Variants in NLRP8 observed in about 807,000 individuals in gnomAD.
The protein encoded by NLRP8 is NACHT, LRR and PYD domains-containing protein 8.
A neutral mutation model predicts 88.7 loss-of-function variants in NLRP8; 86 were observed. That is an observed-to-expected ratio of 0.97 (90% CI 0.81 to 1.16). The LOEUF (loss-of-function observed/expected upper bound fraction) is 1.16. Among genes scored for constraint, NLRP8 ranks in the 50% most tolerant of loss-of-function variants. The pLI, the probability that NLRP8 is intolerant of heterozygous loss-of-function variation, is 0.00. For synonymous variants in NLRP8, 504 were observed against 494.6 expected (o/e 1.02, Z -0.25); for missense variants, 1,342 against 1,286.5 (o/e 1.04, Z -0.66).
At position 55,984,671 on chromosome 19, in the gene NLRP8, AAAAC is replaced by A. The variant is rs201451576; in HGVS notation, c.3048-3140_3048-3137del. 3.2e-3 allele frequency among the ~76,000 whole-genome samples: 472 copies of A among 148,274 alleles called. 15 individuals carry two copies. The highest frequency in any genetic ancestry group is 0.011 in the African/African-American group (447 of 39,002). On this transcript the variant is annotated intron_variant, in intron 9 of 9. Transcript: ENST00000291971. ...CACTGTCTCCAAAAAAAAAAAAAAA[AAAAC>A]AACAGTTGTGCCATGGCCAGGCCCA...
chr19:55,959,435 A>G (rs1434730056), intron 3 of NLRP8, among the ~76,000 whole-genome samples: 3 of 150,640 alleles, frequency 2.0e-5, no homozygotes, highest in African/African-American at 7.3e-5. Context: ...AATGGTCTTG[A>G]TCTCCTGACC....
chr19:55,980,081 T>G (rs1249880486), intron 9 of NLRP8, among the ~76,000 whole-genome samples: 1 of 152,346 alleles, frequency 6.6e-6, no homozygotes, highest in East Asian at 1.9e-4. Flanking sequence ...TTCTCCTATC[T>G]GATATCTTCT....
At chr19:55,978,858 AAGCTAC>A (rs1388270419) in intron 8 of NLRP8, among the ~76,000 whole-genome samples, 1 of 152,162 alleles carries the variant, frequency 6.6e-6, no homozygotes, top group Admixed American at 6.5e-5. Context: ...AAGGAATTTG[AAGCTAC>A]AGTGAGTCAG....
At position 55,955,931 on chromosome 19, in the gene NLRP8, G is replaced by T; in HGVS notation, c.1873G>T (p.Ala625Ser). The change falls in exon 3 of 10, where the codon GCC (alanine) becomes TCC (serine). Residue 625 changes from alanine (A) to serine (S), a missense_variant. Ala to Ser is a moderately conservative substitution (Grantham distance 99). Coordinates refer to ENST00000291971, the MANE Select transcript of NLRP8 (RefSeq NM_176811.2). ...CCGGGAGGAAGCCTTTGTAAGCCAA[G>T]CCCTAAATGATTATCATAAAGTTGT... 3 of 1,614,160 alleles carry T rather than the reference G, an allele frequency of 1.9e-6. No homozygotes were observed. The highest frequency in any genetic ancestry group is 4.5e-5 in the East Asian group (2 of 44,870).
chr19:55,970,932 T>A (rs1456684608), intron 6 of NLRP8, among the ~76,000 whole-genome samples: 2 of 152,168 alleles, frequency 1.3e-5, no homozygotes, highest in Non-Finnish European at 2.9e-5. Context: ...ATATCAAGCA[T>A]AATGAGTCCT....
Position 55,988,005 on chromosome 19 carries a change from C to A in NLRP8, c.*92C>A. 2 of 952,744 alleles carry A rather than the reference C, an allele frequency of 2.1e-6. No homozygotes were observed. Among genetic ancestry groups the A allele is most frequent in the South Asian group, 2.7e-5 (2 of 73,100 alleles). The allele number at this position is 952,744 out of a possible 1,614,324, so 59.0% of individuals were successfully genotyped here. ...GGCGTTATCATCCTGTATGCATTAA[C>A]GTACTTTCCCCTGAAACAGAGCAAC... On this transcript the variant is annotated 3_prime_UTR_variant, in exon 10 of 10. Transcript: ENST00000291971.
At chr19:55,968,452 T>G (rs1979938495) in intron 5 of NLRP8, among the ~76,000 whole-genome samples, 1 of 135,612 alleles carries the variant, frequency 7.4e-6, no homozygotes, top group African/African-American at 2.8e-5. Flanking sequence ...AAAATAAAAA[T>G]AAAATAGGCC....
intron 9 of NLRP8, among the ~76,000 whole-genome samples, chr19:55,983,191 C>T (rs558304447): frequency 1.3e-3 from 196 of 152,154 alleles, no homozygotes; most frequent in Non-Finnish European, 2.3e-3. Flanking sequence ...AGGCCAGGTG[C>T]GGTGGCTCAC....
chr19:55,952,411 G>A (rs991382359), intron 1 of NLRP8, 127 bp from the exon 2 acceptor site: 1 of 696,304 alleles, frequency 1.4e-6, no homozygotes, highest in Non-Finnish European at 2.6e-6. Flanking sequence ...GAACGGAGGT[G>A]GTGAGAGGAT....
chr19:55,982,022 C>T (rs537203453), intron 9 of NLRP8, among the ~76,000 whole-genome samples: 74 of 152,188 alleles, frequency 4.9e-4, no homozygotes, highest in Admixed American at 3.1e-3. Flanking sequence ...CTGCCTCAGC[C>T]TCCTGAGTAA....
rs924573883 is a variant in NLRP8 at position 55,987,978 on chromosome 19, C to T, written c.*65C>T. ...TCCCACTCTGACAACTGGCAAATAC[C>T]AGGCGTTATCATCCTGTATGCATTA... On this transcript the variant is annotated 3_prime_UTR_variant, in exon 10 of 10. Coordinates refer to ENST00000291971, the MANE Select transcript of NLRP8 (RefSeq NM_176811.2). The T allele has an allele frequency of 1.2e-5, 15 of 1,257,582 alleles. No homozygotes were observed. The highest frequency in any genetic ancestry group is 5.9e-5 in the African/African-American group (4 of 67,984). The allele number at this position is 1,257,582 out of a possible 1,614,324, so 77.9% of individuals were successfully genotyped here.
chr19:55,985,517 T>C (rs55905529), intron 9 of NLRP8, among the ~76,000 whole-genome samples: 5,646 of 152,164 alleles, frequency 0.037, 146 homozygotes, highest in Admixed American at 0.073. Context: ...TAACAAATGG[T>C]GCTAAATTGA....
intron 1 of NLRP8, among the ~76,000 whole-genome samples, chr19:55,948,582 C>T (rs923542199): frequency 2.6e-5 from 4 of 152,080 alleles, no homozygotes; most frequent in Admixed American, 1.3e-4. Flanking sequence ...ATTACAGGCA[C>T]CCACCACCAT....
chr19:55,949,095 A>C (rs1179014431), intron 1 of NLRP8, among the ~76,000 whole-genome samples: 1 of 152,202 alleles, frequency 6.6e-6, no homozygotes, highest in Non-Finnish European at 1.5e-5. Flanking sequence ...AGTACAGTAC[A>C]CTGAGATATT....
At chr19:55,985,643 T>A (rs976405571) in intron 9 of NLRP8, among the ~76,000 whole-genome samples, 1 of 152,192 alleles carries the variant, frequency 6.6e-6, no homozygotes. Context: ...TTCTAAAAAC[T>A]AATCAGAAGA....
At chr19:55,979,339 C>T in intron 8 of NLRP8, 55 bp from the exon 9 acceptor site, 5 of 1,595,226 alleles carry the variant, frequency 3.1e-6, no homozygotes, top group African/African-American at 1.3e-5. Flanking sequence ...CGGCTGAGCT[C>T]TCAGATGAGT....
rs1457211178 is a variant in NLRP8 at position 55,955,018 on chromosome 19, G to A, written c.960G>A (p.Leu320=). The A allele has an allele frequency of 1.2e-6, 2 of 1,614,016 alleles. No homozygotes were observed. The highest frequency in any genetic ancestry group is 2.7e-5 in the African/African-American group (2 of 74,916). The stretch of plus-strand genomic sequence containing the variant: ...GGTCTGTCCTACTGAGCAGTTTGCT[G>A]AGCAAAACGATGCTTCCAGAGGCCA... Residue 320 remains leucine, a synonymous_variant, in exon 3 of 10, where the codon CTG becomes CTA. Coordinates refer to ENST00000291971, the MANE Select transcript of NLRP8 (RefSeq NM_176811.2).
chr19:55,987,633 G>A (rs1980910423), intron 9 of NLRP8, among the ~76,000 whole-genome samples: 1 of 152,174 alleles, frequency 6.6e-6, no homozygotes, highest in South Asian at 2.1e-4. Flanking sequence ...AGCTGGGTCT[G>A]AGACTTCAAG....
intron 3 of NLRP8, among the ~76,000 whole-genome samples, chr19:55,956,428 G>C (rs1386533676): frequency 6.6e-6 from 1 of 152,058 alleles, no homozygotes; most frequent in Non-Finnish European, 1.5e-5. Flanking sequence ...ATTTTTAGTA[G>C]AGATGGGGTT....
Sources: allele counts gnomAD v4.1 joint callset (sites outside exome capture counted in the v4.1 genomes callset), GRCh38; gene constraint gnomAD v4.1.1; transcripts MANE v1.5; gene names NCBI Gene and HGNC (gene_info 2026-07-23, HGNC 2026-07-21).